The following CADM2 variants were observed in gnomAD, a reference collection of about 807,000 sequenced individuals.
CADM2 encodes the protein cell adhesion molecule 2, also known as immunoglobulin superfamily member 4D.
Under a neutral mutation model 49.8 loss-of-function variants are expected in CADM2, and 12 were observed. That is an observed-to-expected ratio of 0.24 (90% CI 0.15 to 0.39). CADM2 has a LOEUF of 0.39. Ranked by LOEUF, CADM2 falls within the 10% of genes least tolerant of loss-of-function variation. The pLI is 1.00. For synonymous variants in CADM2, 214 were observed against 175.4 expected (o/e 1.22, Z -1.74); for missense variants, 378 against 492.3 (o/e 0.77, Z 2.20).
rs2064211815 is a variant in CADM2, at chr3:85,628,751, C to G, written c.62-97771C>G. ...TTATACACTATACTCATACAGGTAT[C>G]CTATAGCAAGAAATAGTAAAGGCTC... On this transcript the variant is annotated intron_variant, in intron 1 of 9. Coordinates refer to ENST00000383699, the MANE Select transcript of CADM2 (RefSeq NM_001167675.2). Among the ~76,000 whole-genome samples the G allele has an allele frequency of 2.0e-5, 3 of 149,926 alleles. No homozygotes were observed. The South Asian group carries it at 6.3e-4, about 31-fold the overall frequency.
intron 1 of CADM2, among the ~76,000 whole-genome samples, chr3:85,289,385 G>A (rs1324528664): frequency 6.6e-6 from 1 of 152,144 alleles, no homozygotes; most frequent in African/African-American, 2.4e-5. Context: ...TGCATGTTTT[G>A]TTTCAAATGC....
intron 3 of CADM2, among the ~76,000 whole-genome samples, chr3:85,814,664 A>C: frequency 6.6e-6 from 1 of 152,104 alleles, no homozygotes; most frequent in East Asian, 1.9e-4. Context: ...TCAAATAGAC[A>C]CAATAAAAAA....
At chr3:85,533,229 A>C (rs955703504) in intron 1 of CADM2, among the ~76,000 whole-genome samples, 7 of 152,198 alleles carry the variant, frequency 4.6e-5, no homozygotes, top group Admixed American at 3.9e-4. Context: ...TGAATCACCT[A>C]GGCAACTTGG....
chr3:85,624,612 C>T (rs1167266840), intron 1 of CADM2, among the ~76,000 whole-genome samples: 1 of 151,960 alleles, frequency 6.6e-6, no homozygotes, highest in Non-Finnish European at 1.5e-5. Flanking sequence ...ATCACAGAAA[C>T]TCATTTTTAT....
chr3:86,040,969 T>A (rs1472769760), intron 8 of CADM2, among the ~76,000 whole-genome samples: 1 of 152,104 alleles, frequency 6.6e-6, no homozygotes, highest in East Asian at 1.9e-4. Context: ...GAATTTCATA[T>A]CCAGCCAAAC....
At chr3:85,908,565 T>C in intron 5 of CADM2, among the ~76,000 whole-genome samples, 1 of 152,056 alleles carries the variant, frequency 6.6e-6, no homozygotes, top group East Asian at 1.9e-4. Flanking sequence ...AAAATTTTAT[T>C]ATAGAAAATT....
At chr3:85,661,651 A>T (rs565882854) in intron 1 of CADM2, among the ~76,000 whole-genome samples, 14 of 152,074 alleles carry the variant, frequency 9.2e-5, no homozygotes, top group African/African-American at 3.4e-4. Flanking sequence ...TCTCAACTTT[A>T]TATAAAGGGG....
intron 5 of CADM2, among the ~76,000 whole-genome samples, chr3:85,897,820 T>G (rs1715460708): frequency 6.6e-6 from 1 of 152,198 alleles, no homozygotes; most frequent in Non-Finnish European, 1.5e-5. Flanking sequence ...ACATTGCAAA[T>G]TCTTTGAAAT....
chr3:85,234,327 A>C (rs556361410), intron 1 of CADM2, among the ~76,000 whole-genome samples: 1 of 152,272 alleles, frequency 6.6e-6, no homozygotes, highest in Non-Finnish European at 1.5e-5. Context: ...AGCATAATAT[A>C]GTATAGATTT....
At chr3:85,237,028 C>A (rs1324958582) in intron 1 of CADM2, among the ~76,000 whole-genome samples, 1 of 151,990 alleles carries the variant, frequency 6.6e-6, no homozygotes, top group African/African-American at 2.4e-5. Flanking sequence ...ATTTATTAAA[C>A]CATATTTAAA....
At chr3:85,811,858 T>G (rs1186355834) in intron 3 of CADM2, among the ~76,000 whole-genome samples, 11 of 73,322 alleles carry the variant, frequency 1.5e-4, no homozygotes, top group Non-Finnish European at 2.4e-4. Context: ...TGCCTTGATG[T>G]TTTTTTTTTT....
At chr3:85,116,746 AG>A (rs2038653459) in intron 1 of CADM2, among the ~76,000 whole-genome samples, 1 of 152,132 alleles carries the variant, frequency 6.6e-6, no homozygotes. Flanking sequence ...CATTGTGGAA[AG>A]GACTTTAGAG....
At position 86,071,204 on chromosome 3, in the gene CADM2, A is replaced by G. The variant is rs1194998884; in HGVS notation, c.*4421A>G. On this transcript the variant is annotated 3_prime_UTR_variant, in exon 10 of 10. Coordinates refer to ENST00000383699, the MANE Select transcript of CADM2 (RefSeq NM_001167675.2). ...CTTCAATTTTGTTTGAAATGTGTGCATGTTTTCATAGATTGTAGCAAGTAC... is the reference window on the plus strand; with the variant it reads ...CTTCAATTTTGTTTGAAATGTGTGCGTGTTTTCATAGATTGTAGCAAGTAC... 2 of 151,944 alleles carry G rather than the reference A, an allele frequency of 1.3e-5. No individual in the cohort carries two copies. Among genetic ancestry groups the G allele is most frequent in the Admixed American group, 6.6e-5 (1 of 15,240 alleles). 9.4% of individuals were successfully genotyped at this position (151,944 alleles called of 1,614,324 possible).
At chr3:85,046,835 CTGT>C (rs1316965596) in intron 1 of CADM2, among the ~76,000 whole-genome samples, 2 of 151,950 alleles carry the variant, frequency 1.3e-5, no homozygotes, top group Non-Finnish European at 2.9e-5. Context: ...CATGTAAAGA[CTGT>C]TGTTACATTA....
intron 8 of CADM2, among the ~76,000 whole-genome samples, chr3:85,995,454 G>A (rs1729264447): frequency 6.6e-6 from 1 of 152,024 alleles, no homozygotes; most frequent in Non-Finnish European, 1.5e-5. Context: ...CATATGCTAA[G>A]TTTGTCATAA....
chr3:85,131,900 A>G (rs2039240919), intron 1 of CADM2, among the ~76,000 whole-genome samples: 1 of 150,086 alleles, frequency 6.7e-6, no homozygotes, highest in Non-Finnish European at 1.5e-5. Flanking sequence ...AAAAAAAAAC[A>G]GGTCAGTAGA....
chr3:85,391,945 A>G (rs997716026), intron 1 of CADM2, among the ~76,000 whole-genome samples: 1 of 152,118 alleles, frequency 6.6e-6, no homozygotes, highest in African/African-American at 2.4e-5. Flanking sequence ...AGAAAAGACA[A>G]AACAGTCTCT....
rs544954625 is a variant in CADM2 at position 85,325,813 on chromosome 3, T to C, written c.61+366145T>C. Among the ~76,000 whole-genome samples, 6 of 152,280 alleles carry C rather than the reference T, an allele frequency of 3.9e-5. No individual in the cohort carries two copies. In the East Asian group the frequency reaches 1.2e-3, roughly 29 times the overall value. ...CTGCTATTCCTTTCAAATTTCCCCA[T>C]TTAACAAATATGTATTTAGTGCCAT... On this transcript the variant is annotated intron_variant, in intron 1 of 9. Transcript: ENST00000383699.
At chr3:85,274,824 G>A (rs930567677) in intron 1 of CADM2, among the ~76,000 whole-genome samples, 2 of 151,376 alleles carry the variant, frequency 1.3e-5, no homozygotes, top group Non-Finnish European at 3.0e-5. Context: ...AAGCCCTACA[G>A]TTGCAAAAAT....
Sources: gnomAD v4.1 joint callset for allele counts (sites outside exome capture counted in the v4.1 genomes callset) on GRCh38, gnomAD v4.1.1 for gene constraint, MANE v1.5 for transcripts, NCBI Gene and HGNC (gene_info 2026-07-23, HGNC 2026-07-21) for gene names.